Variants in CNR2 observed in about 807,000 individuals in gnomAD.
The protein encoded by CNR2 is cannabinoid receptor 2.
For synonymous variants in CNR2, 172 were observed against 182.2 expected (o/e 0.94, Z 0.45); for missense variants, 379 against 439.9 (o/e 0.86, Z 1.24).
chr1:23,876,280 C>T (rs1395744890), intron 1 of CNR2, among the ~76,000 whole-genome samples: 1 of 150,264 alleles, frequency 6.7e-6, no homozygotes, highest in Non-Finnish European at 1.5e-5. Flanking sequence ...GATCTCGGCT[C>T]ACTGTAACCT....
At chr1:23,890,878 CTTCT>C (rs1362780018) in intron 1 of CNR2, among the ~76,000 whole-genome samples, 40 of 36,310 alleles carry the variant, frequency 1.1e-3, no homozygotes, top group Admixed American at 2.2e-3. Flanking sequence ...TGGTCTTCTT[CTTCT>C]TTTTTTTTTT....
In CNR2 at chr1:23,871,033, A is replaced by T. The variant is rs1336719356; in HGVS notation, c.*3502T>A. 1.3e-5 allele frequency: 2 copies of T among 151,936 alleles called. No individual in the cohort carries two copies. Among genetic ancestry groups the T allele is most frequent in the African/African-American group, 4.8e-5 (2 of 41,306 alleles). 9.4% of individuals were successfully genotyped at this position (151,936 alleles called of 1,614,324 possible). A position where few individuals can be genotyped will look rare whatever the true frequency, so the allele number is the denominator to read the frequency against. On this transcript the variant is annotated 3_prime_UTR_variant, in exon 2 of 2. Transcript: ENST00000374472. ...CTGGGCATGGTGGCGGGTACCTGTA[A>T]TCCCAGCTACATGGGAGGCTAAGGC...
intron 1 of CNR2, among the ~76,000 whole-genome samples, chr1:23,901,275 C>A (rs535660250): frequency 6.6e-6 from 1 of 152,048 alleles, no homozygotes; most frequent in African/African-American, 2.4e-5. Flanking sequence ...CCCCAGTGTA[C>A]CAGAGATGCC....
chr1:23,892,101 C>T (rs957150413), intron 1 of CNR2, among the ~76,000 whole-genome samples: 8 of 152,138 alleles, frequency 5.3e-5, no homozygotes, highest in Non-Finnish European at 1.0e-4. Context: ...GTTCCTGGCC[C>T]GGAGAACCAG....
intron 1 of CNR2, among the ~76,000 whole-genome samples, chr1:23,897,881 G>A (rs1474530127): frequency 1.3e-5 from 2 of 152,200 alleles, no homozygotes; most frequent in African/African-American, 2.4e-5. Context: ...GCAATATGTT[G>A]TTGTGGTTTA....
intron 1 of CNR2, among the ~76,000 whole-genome samples, chr1:23,894,293 C>T (rs932415540): frequency 2.0e-5 from 3 of 151,648 alleles, no homozygotes; most frequent in South Asian, 2.1e-4. Context: ...CGTTGTGGCT[C>T]GCCTGTAATC....
rs114918295 is a variant in CNR2 at position 23,912,097 on chromosome 1, C to T, written c.-46+1149G>A. ...CTGTGCCCGCATCAGACAGTTGACT[C>T]GCAACAAGCCTGTGAGTGACCTTCT... On this transcript the variant is annotated intron_variant, in intron 1 of 1. Transcript: ENST00000374472. Among the ~76,000 whole-genome samples the T allele has an allele frequency of 2.3e-3, 350 of 152,260 alleles. 2 individuals carry two copies. Among genetic ancestry groups the T allele is most frequent in the African/African-American group, 7.8e-3 (323 of 41,542 alleles).
At chr1:23,902,133 G>A (rs1640410643) in intron 1 of CNR2, 3 of 1,423,432 alleles carry the variant, frequency 2.1e-6, no homozygotes, top group Non-Finnish European at 3.0e-6. Context: ...TGTTTCGTGG[G>A]GTGACTGGCA....
chr1:23,876,321 C>T (rs1380058633), intron 1 of CNR2, among the ~76,000 whole-genome samples: 3 of 151,708 alleles, frequency 2.0e-5, no homozygotes, highest in Non-Finnish European at 4.4e-5. Context: ...ATTCTCCTGC[C>T]TCAGCCTCCC....
At chr1:23,902,602 A>C (rs1640419134) in intron 1 of CNR2, 1 of 1,604,920 alleles carries the variant, frequency 6.2e-7, no homozygotes, top group Non-Finnish European at 8.5e-7. Context: ...ATGGCATAGA[A>C]GACGGAGCTG....
chr1:23,880,083 C>T lies in CNR2; in HGVS notation c.-45-4421G>A, dbSNP rs980405222. On this transcript the variant is annotated intron_variant, in intron 1 of 1. Transcript: ENST00000374472. ...CACCTTTCCCTCAACATTTACTTGGCTTGCTCTCACCTTGTTTAAGTCTTT... is the reference window on the plus strand; with the variant it reads ...CACCTTTCCCTCAACATTTACTTGGTTTGCTCTCACCTTGTTTAAGTCTTT... Among the ~76,000 whole-genome samples the T allele has an allele frequency of 4.6e-5, 7 of 152,072 alleles. No individual in the cohort carries two copies. The South Asian group carries it at 1.0e-3, about 23-fold the overall frequency.
chr1:23,902,453 C>T, intron 1 of CNR2: 1 of 1,595,086 alleles, frequency 6.3e-7, no homozygotes, highest in Non-Finnish European at 8.6e-7. Context: ...TCTTAGCAGC[C>T]TACAGAGTGG....
chr1:23,899,084 T>C (rs1025312685), intron 1 of CNR2, among the ~76,000 whole-genome samples: 1 of 152,194 alleles, frequency 6.6e-6, no homozygotes, highest in Non-Finnish European at 1.5e-5. Flanking sequence ...ATTTTAAATG[T>C]TACCACAAAG....
chr1:23,882,982 G>C (rs1157528266), intron 1 of CNR2, among the ~76,000 whole-genome samples: 1 of 151,894 alleles, frequency 6.6e-6, no homozygotes, highest in East Asian at 1.9e-4. Context: ...AAAACTATAG[G>C]GAAGAGAAAG....
At chr1:23,902,891 G>A (rs1388163917) in intron 1 of CNR2, among the ~76,000 whole-genome samples, 1 of 150,950 alleles carries the variant, frequency 6.6e-6, no homozygotes, top group Non-Finnish European at 1.5e-5. Context: ...CGCGGCGCTG[G>A]CGGGGACGTA....
chr1:23,897,551 T>C (rs1207359059), intron 1 of CNR2, among the ~76,000 whole-genome samples: 1 of 151,744 alleles, frequency 6.6e-6, no homozygotes, highest in Non-Finnish European at 1.5e-5. Flanking sequence ...CTCGGTTCAA[T>C]GCAAACTCTG....
intron 1 of CNR2, among the ~76,000 whole-genome samples, chr1:23,884,743 TTA>T (rs1640057601): frequency 6.6e-6 from 1 of 152,194 alleles, no homozygotes; most frequent in South Asian, 2.1e-4. Flanking sequence ...TAAGGCTTTA[TTA>T]TTTCTGGACC....
At chr1:23,892,208 G>A (rs1472526689) in intron 1 of CNR2, among the ~76,000 whole-genome samples, 1 of 152,230 alleles carries the variant, frequency 6.6e-6, no homozygotes, top group African/African-American at 2.4e-5. Flanking sequence ...TTGTGAACAG[G>A]CCACCAGGAC....
intron 1 of CNR2, among the ~76,000 whole-genome samples, chr1:23,887,256 A>G (rs1275401886): frequency 6.6e-6 from 1 of 152,124 alleles, no homozygotes; most frequent in Non-Finnish European, 1.5e-5. Flanking sequence ...CCACTTGGCT[A>G]CTTCTGAAAG....
Sources: gnomAD v4.1 joint callset for allele counts (sites outside exome capture counted in the v4.1 genomes callset) on GRCh38, gnomAD v4.1.1 for gene constraint, MANE v1.5 for transcripts, NCBI Gene and HGNC (gene_info 2026-07-23, HGNC 2026-07-21) for gene names.